The following ACOXL variants were observed in gnomAD, a reference collection of about 807,000 sequenced individuals.
ACOXL encodes acyl-coenzyme A oxidase-like protein.
Under a neutral mutation model 71.9 loss-of-function variants are expected in ACOXL, and 70 were observed. That is an observed-to-expected ratio of 0.97 (90% confidence interval 0.80 to 1.19). The LOEUF is 1.19. ACOXL is among the 50% of genes most tolerant of loss of function. The probability of loss-of-function intolerance (pLI) is 0.00; values close to 1 mark genes in which losing one functional copy is unlikely to be tolerated. For synonymous variants in ACOXL, 253 were observed against 281.6 expected, an observed-to-expected ratio of 0.90 and a Z score of 1.02; for missense variants, 703 against 736.3, an observed-to-expected ratio of 0.95 and a Z score of 0.52.
chr2:110,737,916 C>G (rs1677065369), intron 1 of ACOXL, among the ~76,000 whole-genome samples: 2 of 152,218 alleles, frequency 1.3e-5, no homozygotes, highest in African/African-American at 4.8e-5. Flanking sequence ...TTCATTAAGG[C>G]TACTCCTGTT....
intron 10 of ACOXL, among the ~76,000 whole-genome samples, chr2:110,876,842 A>C (rs555776966): frequency 7.2e-4 from 110 of 152,244 alleles, no homozygotes; most frequent in Non-Finnish European, 1.4e-3. Context: ...ACCATGGTGA[A>C]CAAAACTGAT....
intron 17 of ACOXL, among the ~76,000 whole-genome samples, chr2:111,104,547 A>C (rs1321586169): frequency 2.0e-5 from 3 of 152,156 alleles, no homozygotes; most frequent in African/African-American, 7.2e-5. Flanking sequence ...TGTATGTAGT[A>C]TATTTCATTG....
At chr2:110,945,820 AT>A (rs2061082713) in intron 12 of ACOXL, among the ~76,000 whole-genome samples, 1 of 150,890 alleles carries the variant, frequency 6.6e-6, no homozygotes, top group Non-Finnish European at 1.5e-5. Context: ...TGCCTTAGCT[AT>A]TCAGGCTCTC....
chr2:110,736,784 T>A (rs1676910413), intron 1 of ACOXL, among the ~76,000 whole-genome samples: 1 of 152,184 alleles, frequency 6.6e-6, no homozygotes, highest in South Asian at 2.1e-4. Flanking sequence ...CACACCTGGC[T>A]AATTTTTTGT....
chr2:111,054,781 C>G (rs564474333), intron 16 of ACOXL, among the ~76,000 whole-genome samples: 14 of 152,338 alleles, frequency 9.2e-5, no homozygotes, highest in African/African-American at 2.9e-4. Flanking sequence ...ATCGACATGA[C>G]TCAACCCTTC....
intron 10 of ACOXL, among the ~76,000 whole-genome samples, chr2:110,880,937 T>C (rs1696560183): frequency 6.6e-6 from 1 of 152,258 alleles, no homozygotes; most frequent in Non-Finnish European, 1.5e-5. Flanking sequence ...TCATTGTTTC[T>C]GGATTTTTAA....
chr2:111,009,077 A>T (rs1238595885), intron 14 of ACOXL, among the ~76,000 whole-genome samples: 1 of 152,286 alleles, frequency 6.6e-6, no homozygotes, highest in East Asian at 1.9e-4. Flanking sequence ...CAAACTTTTT[A>T]AAATTTTTTT....
intron 16 of ACOXL, among the ~76,000 whole-genome samples, chr2:111,054,702 C>G (rs994345978): frequency 6.6e-6 from 1 of 152,244 alleles, no homozygotes; most frequent in Non-Finnish European, 1.5e-5. Flanking sequence ...GCAACCCTTT[C>G]TCTGTCTAAT....
At chr2:110,755,508 G>A (rs1476212319) in intron 1 of ACOXL, among the ~76,000 whole-genome samples, 1 of 152,190 alleles carries the variant, frequency 6.6e-6, no homozygotes, top group Non-Finnish European at 1.5e-5. Context: ...GGGGATTGGA[G>A]CATAAGGATG....
chr2:110,785,570 T>C (rs1309203768), intron 3 of ACOXL, among the ~76,000 whole-genome samples: 3 of 152,150 alleles, frequency 2.0e-5, no homozygotes, highest in African/African-American at 7.2e-5. Context: ...TCTCCATCTC[T>C]ATAGTTTTGT....
intron 9 of ACOXL, among the ~76,000 whole-genome samples, chr2:110,823,378 G>A (rs770996185): frequency 6.6e-5 from 10 of 152,084 alleles, no homozygotes; most frequent in Non-Finnish European, 1.5e-4. Flanking sequence ...AGGATATCTC[G>A]GTTGCTTCCA....
intron 5 of ACOXL, among the ~76,000 whole-genome samples, chr2:110,796,453 C>T (rs78234565): frequency 1.1e-3 from 169 of 152,270 alleles, no homozygotes; most frequent in Non-Finnish European, 1.9e-3. Flanking sequence ...CTTTAATGCC[C>T]GAGTTTGGGC....
intron 15 of ACOXL, among the ~76,000 whole-genome samples, chr2:111,031,978 A>G (rs910126891): frequency 7.2e-5 from 11 of 152,228 alleles, no homozygotes; most frequent in Admixed American, 6.5e-5. Context: ...CAACCTGACA[A>G]TCACACGAAG....
At chr2:110,847,422 T>C (rs1692049478) in intron 10 of ACOXL, among the ~76,000 whole-genome samples, 1 of 152,220 alleles carries the variant, frequency 6.6e-6, no homozygotes, top group Non-Finnish European at 1.5e-5. Context: ...CTTGTATTTC[T>C]AAGAAGAGCT....
At position 111,090,913 on chromosome 2, in the gene ACOXL, G is replaced by A. The variant is rs571199775; in HGVS notation, c.1441-1952G>A. The stretch of plus-strand genomic sequence containing the variant: ...CATTGCCTGCATCCATGGAATCCTC[G>A]CCTTTTGGACTTAGTTTGGTTTAGA... On this transcript the variant is annotated intron_variant, in intron 16 of 17. Coordinates refer to ENST00000439055, the MANE Select transcript of ACOXL (RefSeq NM_001142807.4). 9.5e-4 allele frequency among the ~76,000 whole-genome samples: 144 copies of A among 152,194 alleles called. No individual in the cohort carries two copies. In the Middle Eastern group the frequency reaches 0.01, roughly 11 times the overall value.
rs562586936 is a variant in ACOXL, at chr2:110,860,351, T to G, written c.788+18946T>G. ...GTCTTGAACTCCCGACCTCAAGTGA[T>G]CCATTCGCCTTGGCCTCCCAAAGTG... On this transcript the variant is annotated intron_variant, in intron 10 of 17. Coordinates refer to ENST00000439055, the MANE Select transcript of ACOXL (RefSeq NM_001142807.4). Among the ~76,000 whole-genome samples, 3 of 152,310 alleles carry G rather than the reference T, an allele frequency of 2.0e-5. No individual in the cohort carries two copies. In the East Asian group the frequency reaches 5.8e-4, roughly 29 times the overall value.
At chr2:110,979,738 T>C (rs2062619943) in intron 12 of ACOXL, among the ~76,000 whole-genome samples, 1 of 152,050 alleles carries the variant, frequency 6.6e-6, no homozygotes, top group Admixed American at 6.6e-5. Context: ...GCCGGGCAGG[T>C]ACCTTAATAA....
In ACOXL at chr2:110,805,184, C is replaced by G. The variant is rs540135336; in HGVS notation, c.621-79C>G. ...AAATCCGAGTGCTTCCCTGTGTATGCACATGGGAGCCACCTGACTTCGTTT... is the reference window on the plus strand; with the variant it reads ...AAATCCGAGTGCTTCCCTGTGTATGGACATGGGAGCCACCTGACTTCGTTT... On this transcript the variant is annotated intron_variant, in intron 8 of 17. Coordinates refer to ENST00000439055, the MANE Select transcript of ACOXL (RefSeq NM_001142807.4). 2.5e-6 allele frequency: 4 copies of G among 1,568,696 alleles called. No individual in the cohort carries two copies. In the South Asian group the frequency reaches 3.5e-5, roughly 14 times the overall value.
intron 17 of ACOXL, among the ~76,000 whole-genome samples, chr2:111,102,982 A>G (rs1252567968): frequency 6.6e-6 from 1 of 152,154 alleles, no homozygotes; most frequent in Non-Finnish European, 1.5e-5. Context: ...TTTGGTACTT[A>G]GTAACCATTA....
Sources: allele counts gnomAD v4.1 joint callset (sites outside exome capture counted in the v4.1 genomes callset), GRCh38; gene constraint gnomAD v4.1.1; transcripts MANE v1.5; gene names NCBI Gene and HGNC (gene_info 2026-07-23, HGNC 2026-07-21).